The following PARM1 variants were observed in gnomAD, a reference collection of about 807,000 sequenced individuals.
The protein encoded by PARM1 is WSC4, cell wall integrity and stress response component 4 homolog.
In PARM1, 14 loss-of-function variants were observed where a neutral mutation model predicts 24.6. The observed-to-expected ratio is 0.57, with a 90% CI of 0.38 to 0.89. The LOEUF is 0.89. PARM1 is among the 40% of genes least tolerant of loss of function. The pLI is 0.00. For synonymous variants in PARM1, 179 were observed against 156.6 expected, an observed-to-expected ratio of 1.14 and a Z score of -1.07; for missense variants, 362 against 380.4, an observed-to-expected ratio of 0.95 and a Z score of 0.40.
chr4:75,035,568 G>A (rs1431426197), intron 3 of PARM1, among the ~76,000 whole-genome samples: 1 of 152,088 alleles, frequency 6.6e-6, no homozygotes, highest in Non-Finnish European at 1.5e-5. Context: ...TATCCACTCT[G>A]CTGCTGCCTC....
At position 75,033,868 on chromosome 4, in the gene PARM1, C is replaced by T. The variant is rs1190659427; in HGVS notation, c.770-15C>T. 8 of 1,587,092 alleles carry T rather than the reference C, an allele frequency of 5.0e-6. No homozygotes were observed. Among genetic ancestry groups the T allele is most frequent in the Admixed American group, 3.5e-5 (2 of 56,722 alleles). ...CCTCATGTATCTTCTTTTCTGTGCCCTTCCTCCTTCACAGGCAGCATCGCC... is the reference window on the plus strand; with the variant it reads ...CCTCATGTATCTTCTTTTCTGTGCCTTTCCTCCTTCACAGGCAGCATCGCC... On this transcript the variant is annotated splice_polypyrimidine_tract_variant and intron_variant, in intron 2 of 3. Transcript: ENST00000307428.
chr4:74,949,263 T>C (rs1721471017), intron 1 of PARM1, among the ~76,000 whole-genome samples: 1 of 152,166 alleles, frequency 6.6e-6, no homozygotes. Context: ...AAAATGCATC[T>C]ATTTGTTTGG....
At chr4:75,026,772 C>T (rs1021939775) in intron 2 of PARM1, among the ~76,000 whole-genome samples, 1 of 152,140 alleles carries the variant, frequency 6.6e-6, no homozygotes, top group African/African-American at 2.4e-5. Flanking sequence ...TTTCAGTCTC[C>T]GAATCCATAA....
chr4:74,966,136 T>C (rs566955156), intron 1 of PARM1, among the ~76,000 whole-genome samples: 1 of 152,300 alleles, frequency 6.6e-6, no homozygotes, highest in African/African-American at 2.4e-5. Flanking sequence ...CAATTTTGGC[T>C]CCTTGCTGAA....
chr4:74,969,744 C>A (rs1362536378), intron 1 of PARM1: 1 of 152,264 alleles, frequency 6.6e-6, no homozygotes, highest in South Asian at 2.1e-4. Flanking sequence ...TTGTTCCTCT[C>A]CCACCATGGA....
intron 1 of PARM1, among the ~76,000 whole-genome samples, chr4:75,005,377 T>C (rs1722751372): frequency 6.6e-6 from 1 of 152,086 alleles, no homozygotes; most frequent in South Asian, 2.1e-4. Flanking sequence ...AAAGAATAGG[T>C]GAGCAACACA....
chr4:74,975,631 T>C (rs1293441468), intron 1 of PARM1, among the ~76,000 whole-genome samples: 1 of 152,246 alleles, frequency 6.6e-6, no homozygotes, highest in Non-Finnish European at 1.5e-5. Context: ...ATATTAATTA[T>C]ATTCACGGGG....
chr4:74,979,822 C>T (rs184037422), intron 1 of PARM1, among the ~76,000 whole-genome samples: 126 of 152,244 alleles, frequency 8.3e-4, no homozygotes, highest in African/African-American at 2.9e-3. Context: ...ATACACAAAT[C>T]GATAAACGTT....
At chr4:74,978,051 A>G (rs1034310961) in intron 1 of PARM1, among the ~76,000 whole-genome samples, 3 of 152,220 alleles carry the variant, frequency 2.0e-5, no homozygotes, top group Non-Finnish European at 4.4e-5. Flanking sequence ...TGAAGCAACT[A>G]CATTGACAAG....
At chr4:75,012,022 A>G (rs1263542506) in intron 1 of PARM1, among the ~76,000 whole-genome samples, 2 of 152,040 alleles carry the variant, frequency 1.3e-5, no homozygotes, top group Non-Finnish European at 2.9e-5. Context: ...CCCACTCCCA[A>G]TGTCCACACT....
At chr4:74,941,311 G>T (rs549455853) in intron 1 of PARM1, among the ~76,000 whole-genome samples, 2 of 152,176 alleles carry the variant, frequency 1.3e-5, no homozygotes, top group Non-Finnish European at 2.9e-5. Flanking sequence ...GTTGCTGGGG[G>T]CAGGAAGTGT....
At chr4:74,983,687 G>A (rs1407321192) in intron 1 of PARM1, among the ~76,000 whole-genome samples, 1 of 152,142 alleles carries the variant, frequency 6.6e-6, no homozygotes, top group Non-Finnish European at 1.5e-5. Context: ...TGGCCCTGGA[G>A]AATTTACCTT....
At chr4:75,034,133 G>T (rs912736468) in intron 3 of PARM1, among the ~76,000 whole-genome samples, 172 bp downstream of exon 3, 2 of 152,078 alleles carry the variant, frequency 1.3e-5, no homozygotes, top group East Asian at 1.9e-4. Context: ...AGGTATAGAC[G>T]TACAGTATCT....
At chr4:74,951,682 C>T (rs574538575) in intron 1 of PARM1, among the ~76,000 whole-genome samples, 28 of 152,126 alleles carry the variant, frequency 1.8e-4, no homozygotes, top group African/African-American at 1.9e-4. Context: ...TGAGAATACG[C>T]GGTGTTTGGT....
At chr4:74,936,517 G>A (rs1180089222) in intron 1 of PARM1, among the ~76,000 whole-genome samples, 2 of 150,274 alleles carry the variant, frequency 1.3e-5, no homozygotes, top group East Asian at 2.0e-4. Context: ...GCAGTGGCGC[G>A]ATCTCAGCTC....
chr4:75,012,637 A>G lies in PARM1; in HGVS notation c.256A>G (p.Arg86Gly). The G allele has an allele frequency of 6.2e-7, 1 of 1,614,004 alleles. No individual in the cohort carries two copies. The highest frequency in any genetic ancestry group is 8.5e-7 in the Non-Finnish European group (1 of 1,179,884). Reference sequence around the variant, plus strand: ...TCCTAAGAACATTTCCATAGAGTCCAGAGAAGAGGAGATCACCAGCCCAGG... The same window carrying G: ...TCCTAAGAACATTTCCATAGAGTCCGGAGAAGAGGAGATCACCAGCCCAGG... ...LLPKNISIES[R>G]EEEITSPGSN... The change falls in exon 2 of 4, where the codon AGA becomes GGA. Residue 86 changes from arginine (R) to glycine (G), a missense_variant. Transcript: ENST00000307428.
At chr4:75,009,229 A>G (rs904612574) in intron 1 of PARM1, among the ~76,000 whole-genome samples, 20 of 152,234 alleles carry the variant, frequency 1.3e-4, no homozygotes, top group African/African-American at 4.8e-4. Context: ...CTCCTTTTAA[A>G]TAAAATAAAG....
Position 75,012,472 on chromosome 4 carries a change from C to G in PARM1, c.91C>G (p.Leu31Val). The change falls in exon 2 of 4, where the codon CTT (leucine) becomes GTT (valine). Residue 31 changes from leucine (L) to valine (V), a missense_variant. By Grantham distance (32) the Leu-to-Val change is conservative. Transcript: ENST00000307428. ...LPTSAPLSVS[L>V]PTNIVPPTTI... ...TACATCAGCTCCTTTGTCTGTTTCT[C>G]TTCCGACAAACATTGTACCACCGAC... The G allele has an allele frequency of 6.2e-7, 1 of 1,613,942 alleles. No homozygotes were observed. Among genetic ancestry groups the G allele is most frequent in the Non-Finnish European group, 8.5e-7 (1 of 1,179,864 alleles).
intron 1 of PARM1, among the ~76,000 whole-genome samples, chr4:75,006,987 C>A (rs1722782148): frequency 6.6e-6 from 1 of 152,104 alleles, no homozygotes; most frequent in African/African-American, 2.4e-5. Context: ...TGACAAAGGG[C>A]TAATATCCAG....
Sources: allele counts gnomAD v4.1 joint callset (sites outside exome capture counted in the v4.1 genomes callset), GRCh38; gene constraint gnomAD v4.1.1; transcripts MANE v1.5; gene names NCBI Gene and HGNC (gene_info 2026-07-23, HGNC 2026-07-21).